The following STAMBP variants were observed in gnomAD, a reference collection of about 807,000 sequenced individuals.
STAMBP encodes STAM-binding protein.
Under a neutral mutation model 50.7 loss-of-function variants are expected in STAMBP, and 31 were observed. The ratio of observed to expected loss-of-function variants is 0.61; its 90% CI spans 0.46 to 0.83. The LOEUF (loss-of-function observed/expected upper bound fraction) is 0.83. Among genes scored for constraint, STAMBP ranks in the 40% least tolerant of loss-of-function variants. The pLI, the probability that STAMBP is intolerant of heterozygous loss-of-function variation, is 0.00. For missense variants in STAMBP, 472 were observed against 518.9 expected (o/e 0.91, Z 0.88); for synonymous variants, 211 against 192.4 (o/e 1.10, Z -0.80).
chr2:73,861,831 A>C (rs1183217473), intron 9 of STAMBP, among the ~76,000 whole-genome samples: 1 of 151,910 alleles, frequency 6.6e-6, no homozygotes, highest in Non-Finnish European at 1.5e-5. Flanking sequence ...CCAGCCAAAA[A>C]GTGGTTTTTT....
chr2:73,858,754 T>C (rs1447076332), intron 7 of STAMBP, among the ~76,000 whole-genome samples: 1 of 152,206 alleles, frequency 6.6e-6, no homozygotes, highest in East Asian at 1.9e-4. Context: ...CTTCCTTACT[T>C]ATTAGGAACC....
rs1272283424 is a variant in STAMBP, at chr2:73,844,809, T to G, written c.204-4T>G. 3 of 1,612,904 alleles carry G rather than the reference T, an allele frequency of 1.9e-6. No homozygotes were observed. The highest frequency in any genetic ancestry group is 2.2e-5 in the South Asian group (2 of 91,008). On this transcript the variant is annotated splice_polypyrimidine_tract_variant and splice_region_variant and intron_variant, in intron 2 of 9. Transcript: ENST00000394070. ...TTCATAATCATTTTGAACTGTTTCCTTAGGCTCTTTATTGAGAAACTACCA... is the reference window on the plus strand; with the variant it reads ...TTCATAATCATTTTGAACTGTTTCCGTAGGCTCTTTATTGAGAAACTACCA...
chr2:73,868,437 A>G (rs977215436), downstream of STAMBP, among the ~76,000 whole-genome samples: 3 of 152,174 alleles, frequency 2.0e-5, no homozygotes, highest in East Asian at 3.9e-4. Flanking sequence ...TGTCCCTAGA[A>G]TGTAATGGTG....
intron 9 of STAMBP, among the ~76,000 whole-genome samples, chr2:73,861,993 C>G (rs551405152): frequency 1.9e-3 from 285 of 152,192 alleles, no homozygotes; most frequent in Middle Eastern, 3.4e-3. Context: ...CAAAATTAGC[C>G]AGGCATGGTG....
chr2:73,864,706 A>G lies in STAMBP; in HGVS notation c.*2447A>G, dbSNP rs1051561752. The G allele has an allele frequency of 6.6e-6, 1 of 152,226 alleles. No individual in the cohort carries two copies. The highest frequency in any genetic ancestry group is 1.5e-5 in the Non-Finnish European group (1 of 68,066). 9.4% of individuals were successfully genotyped at this position (152,226 alleles called of 1,614,324 possible). A position where few individuals can be genotyped will look rare whatever the true frequency, so the allele number is the denominator to read the frequency against. On this transcript the variant is annotated 3_prime_UTR_variant, in exon 10 of 10. Transcript: ENST00000394070. Reference sequence around the variant, plus strand: ...GGCTCAAAGACCAGGAGACTTTTCCACTCTTGCAAGCTGCACAAGTACCAT... The same window carrying G: ...GGCTCAAAGACCAGGAGACTTTTCCGCTCTTGCAAGCTGCACAAGTACCAT...
chr2:73,858,215 A>G (rs1677834330), intron 7 of STAMBP, among the ~76,000 whole-genome samples: 1 of 133,864 alleles, frequency 7.5e-6, no homozygotes, highest in South Asian at 2.3e-4. Context: ...CATGTTAGCC[A>G]GGATGGTCTT....
rs181433208 is a variant in STAMBP at position 73,866,317 on chromosome 2, T to A, written c.*4058T>A. On this transcript the variant is annotated 3_prime_UTR_variant, in exon 10 of 10. Transcript: ENST00000394070. ...TGGTAGGTTCACTCTGAGGGCTTCC[T>A]TCCTTGAACTCCAGTGGCAACTATA... 6.6e-6 allele frequency: 1 copy of A among 152,386 alleles called. No homozygotes were observed. The highest frequency in any genetic ancestry group is 1.5e-5 in the Non-Finnish European group (1 of 68,040). 9.4% of individuals were successfully genotyped at this position (152,386 alleles called of 1,614,324 possible). A position where few individuals can be genotyped will look rare whatever the true frequency, so the allele number is the denominator to read the frequency against.
At chr2:73,859,423 T>A (rs11888468) in intron 8 of STAMBP, 57 bp downstream of exon 8, 1 of 1,367,456 alleles carries the variant, frequency 7.3e-7, no homozygotes, top group Admixed American at 1.7e-5. Flanking sequence ...GAAGAAAGCC[T>A]CAGGGGAAAA....
Position 73,842,854 on chromosome 2 carries a change from T to C in STAMBP, c.204-1959T>C, listed in dbSNP as rs923379126. Among the ~76,000 whole-genome samples the C allele has an allele frequency of 3.3e-5, 5 of 152,312 alleles. No homozygotes were observed. The South Asian group carries it at 1.0e-3, about 32-fold the overall frequency. On this transcript the variant is annotated intron_variant, in intron 2 of 9. Transcript: ENST00000394070. ...CTTCCAAGGAGTATACAAAGAAGCATGAAACACAGAAATCTCTGGCCTCAG... is the reference window on the plus strand; with the variant it reads ...CTTCCAAGGAGTATACAAAGAAGCACGAAACACAGAAATCTCTGGCCTCAG...
chr2:73,851,939 T>C (rs1007968320), intron 7 of STAMBP, among the ~76,000 whole-genome samples: 2 of 152,112 alleles, frequency 1.3e-5, no homozygotes, highest in African/African-American at 4.8e-5. Flanking sequence ...CACGCCCGGC[T>C]AGATATGTTT....
At position 73,834,268 on chromosome 2, in the gene STAMBP, T is replaced by A. The variant is rs866467978; in HGVS notation, c.203+3209T>A. ...ATATATATATATATATATATATATA[T>A]ATATATATATATATATATAAAGTTT... On this transcript the variant is annotated intron_variant, in intron 2 of 9. Transcript: ENST00000394070. Among the ~76,000 whole-genome samples, 48 of 93,594 alleles carry A rather than the reference T, an allele frequency of 5.1e-4. 2 individuals are homozygous for A. Among genetic ancestry groups the A allele is most frequent in the South Asian group, 7.9e-4 (2 of 2,542 alleles). 61.4% of individuals were successfully genotyped at this position (93,594 alleles called of 152,430 possible). A position where few individuals can be genotyped will look rare whatever the true frequency, so the allele number is the denominator to read the frequency against.
intron 5 of STAMBP, 25 bp from the exon 6 acceptor site, chr2:73,849,338 G>A: frequency 1.2e-6 from 2 of 1,612,938 alleles, no homozygotes; most frequent in Non-Finnish European, 1.7e-6. Flanking sequence ...AGTGGTCGCA[G>A]ACTATTCTCC....
intron 5 of STAMBP, among the ~76,000 whole-genome samples, chr2:73,848,402 G>T (rs1676397978): frequency 6.6e-6 from 1 of 152,018 alleles, no homozygotes; most frequent in Non-Finnish European, 1.5e-5. Context: ...TGCCCAGATT[G>T]TTTTCCATTC....
chr2:73,834,806 C>G (rs1381967240), intron 2 of STAMBP, among the ~76,000 whole-genome samples: 1 of 152,050 alleles, frequency 6.6e-6, no homozygotes, highest in Non-Finnish European at 1.5e-5. Context: ...GAGCATAGGG[C>G]AGAGCATTAA....
intron 7 of STAMBP, among the ~76,000 whole-genome samples, chr2:73,852,999 C>G (rs886960551): frequency 1.6e-4 from 24 of 151,214 alleles, no homozygotes; most frequent in Admixed American, 6.0e-4. Flanking sequence ...CCAGGCTGGT[C>G]TCGAAATCCT....
At position 73,830,851 on chromosome 2, in the gene STAMBP, G is replaced by A; in HGVS notation, c.-6G>A. On this transcript the variant is annotated 5_prime_UTR_variant, in exon 2 of 10. Coordinates refer to ENST00000394070, the MANE Select transcript of STAMBP (RefSeq NM_213622.4). ...TCTGTTTTTTCTGTCTCAGAACTTG[G>A]TCCTGATGTCTGACCATGGAGATGT... The A allele has an allele frequency of 2.5e-6, 4 of 1,612,282 alleles. No individual in the cohort carries two copies. The African/African-American group carries it at 5.3e-5, about 21-fold the overall frequency.
rs546888918 is a variant in STAMBP at position 73,847,953 on chromosome 2, C to T, written c.742+200C>T. ...GGCCTTTGCTGAAACCTAGTCTGGT[C>T]GATTTTCTGAAGAGCTAATATTATT... On this transcript the variant is annotated intron_variant, in intron 5 of 9. Transcript: ENST00000394070. Among the ~76,000 whole-genome samples the T allele has an allele frequency of 2.6e-5, 4 of 152,232 alleles. No homozygotes were observed. In the East Asian group the frequency reaches 5.8e-4, roughly 22 times the overall value.
intron 2 of STAMBP, among the ~76,000 whole-genome samples, chr2:73,837,343 T>C (rs943551745): frequency 6.6e-6 from 1 of 152,134 alleles, no homozygotes; most frequent in Non-Finnish European, 1.5e-5. Context: ...CCCAGCACTT[T>C]GGGAGGCCAA....
chr2:73,866,009 T>C lies in STAMBP; in HGVS notation c.*3750T>C, dbSNP rs886752621. The C allele has an allele frequency of 6.6e-6, 1 of 152,284 alleles. No individual in the cohort carries two copies. The highest frequency in any genetic ancestry group is 2.4e-5 in the African/African-American group (1 of 41,458). 9.4% of individuals were successfully genotyped at this position (152,284 alleles called of 1,614,324 possible). A position where few individuals can be genotyped will look rare whatever the true frequency, so the allele number is the denominator to read the frequency against. On this transcript the variant is annotated 3_prime_UTR_variant, in exon 10 of 10. Transcript: ENST00000394070. ...GAAATTACATCATCTCTATTTTCCC[T>C]TGGCTCCAGCCCACTCTTGTTTGAA...
Sources: gnomAD v4.1 joint callset for allele counts (sites outside exome capture counted in the v4.1 genomes callset) on GRCh38, gnomAD v4.1.1 for gene constraint, MANE v1.5 for transcripts, NCBI Gene and HGNC (gene_info 2026-07-23, HGNC 2026-07-21) for gene names.